Variants in MDN1 observed in about 807,000 individuals in gnomAD.
MDN1 encodes midasin AAA ATPase 1, also known as midasin.
In MDN1, 266 loss-of-function variants were observed where a neutral mutation model predicts 669.2. The observed-to-expected ratio is 0.40, with a 90% CI of 0.36 to 0.44. The LOEUF is 0.44. Among genes scored for constraint, MDN1 ranks in the 20% least tolerant of loss-of-function variants. The pLI is 1.00. For synonymous variants in MDN1, 2,385 were observed against 2,457.1 expected, an observed-to-expected ratio of 0.97 and a Z score of 0.87; for missense variants, 5,940 against 6,754.0, an observed-to-expected ratio of 0.88 and a Z score of 4.22.
intron 43 of MDN1, among the ~76,000 whole-genome samples, chr6:89,717,716 G>A (rs1480792005): frequency 1.3e-5 from 2 of 152,212 alleles, no homozygotes; most frequent in Non-Finnish European, 2.9e-5. Context: ...AAGTAAATGA[G>A]TGGCCCACCG....
In MDN1 at chr6:89,672,214, C is replaced by T; in HGVS notation, c.13780G>A (p.Ala4594Thr). 1 of 1,583,366 alleles carries T rather than the reference C, an allele frequency of 6.3e-7. No individual in the cohort carries two copies. The highest frequency in any genetic ancestry group is 8.5e-7 in the Non-Finnish European group (1 of 1,170,408). The stretch of plus-strand genomic sequence containing the variant: ...CAGTTAGTTACCAGGTGCTTTGCTG[C>T]TGTGCCATCCTCACCGTACGATTTC... ...RLKSYGEDGT[A>T]AKHLFFSQSC... The change falls in exon 82 of 102, where the codon GCA becomes ACA. Residue 4594 changes from alanine (A) to threonine (T), a missense_variant. Ala to Thr is a moderately conservative substitution (Grantham distance 58). Transcript: ENST00000369393.
chr6:89,733,117 A>C (rs772409487), intron 33 of MDN1, among the ~76,000 whole-genome samples: 3 of 152,240 alleles, frequency 2.0e-5, no homozygotes, highest in Non-Finnish European at 4.4e-5. Flanking sequence ...TTTAGAAAAT[A>C]TGCAAATTTT....
chr6:89,703,552 T>C (rs1813314854), intron 53 of MDN1, among the ~76,000 whole-genome samples: 1 of 152,204 alleles, frequency 6.6e-6, no homozygotes, highest in Non-Finnish European at 1.5e-5. Flanking sequence ...TGATTTCCTA[T>C]AGTGGTTCCA....
chr6:89,744,808 A>G (rs1816504874), intron 29 of MDN1, among the ~76,000 whole-genome samples: 1 of 150,142 alleles, frequency 6.7e-6, no homozygotes, highest in Admixed American at 6.6e-5. Context: ...ACTTGAGTCC[A>G]GAAAGTCAAG....
Position 89,674,266 on chromosome 6 carries a change from A to G in MDN1, c.13085T>C (p.Ile4362Thr). The change falls in exon 79 of 102, where the codon ATA becomes ACA. Residue 4362 changes from isoleucine (I) to threonine (T), a missense_variant. Physicochemically the swap from Ile to Thr is moderately conservative, Grantham distance 89 (BLOSUM62 -1). Transcript: ENST00000369393. ...IPSNLSYPSP[I>T]PGSQLPSGCR... ...ACCAGAGGGCAGCTGACTTCCAGGT[A>G]TTGGAGATGGGTAGCTCAGATTGGA... The G allele has an allele frequency of 6.2e-7, 1 of 1,614,200 alleles. No individual in the cohort carries two copies. Among genetic ancestry groups the G allele is most frequent in the Non-Finnish European group, 8.5e-7 (1 of 1,180,028 alleles).
chr6:89,803,895 CT>C (rs56246331), intron 1 of MDN1, among the ~76,000 whole-genome samples: 21 of 76,386 alleles, frequency 2.7e-4, no homozygotes, highest in Non-Finnish European at 4.9e-4. Context: ...CTTTTCTTTT[CT>C]TTTTTTTTTT....
intron 51 of MDN1, 127 bp downstream of exon 51, chr6:89,708,369 C>A (rs1813659310): frequency 8.4e-7 from 1 of 1,186,194 alleles, no homozygotes; most frequent in African/African-American, 1.5e-5. Flanking sequence ...CAATCATGTC[C>A]AACACCCCAC....
intron 95 of MDN1, 116 bp from the exon 96 acceptor site, chr6:89,650,963 C>G: frequency 1.4e-6 from 1 of 694,952 alleles, no homozygotes; most frequent in Non-Finnish European, 2.5e-6. Context: ...ACTTTCTCAA[C>G]AGAAGCACTT....
chr6:89,746,847 C>T (rs926817026), intron 27 of MDN1, among the ~76,000 whole-genome samples: 2 of 152,182 alleles, frequency 1.3e-5, no homozygotes, highest in African/African-American at 4.8e-5. Context: ...TTCCAAAACA[C>T]TGTGTATCCT....
At chr6:89,748,528 T>A (rs956592969) in intron 26 of MDN1, among the ~76,000 whole-genome samples, 8 of 152,170 alleles carry the variant, frequency 5.3e-5, no homozygotes, top group South Asian at 2.1e-4. Context: ...TGCAGTTGAC[T>A]AGGGGGAGCC....
chr6:89,730,399 C>T (rs927514593), intron 35 of MDN1, among the ~76,000 whole-genome samples: 4 of 152,280 alleles, frequency 2.6e-5, no homozygotes, highest in African/African-American at 9.6e-5. Context: ...TAGGTCTTTG[C>T]AAGCCACTTA....
chr6:89,785,125 G>T lies in MDN1; in HGVS notation c.1336C>A (p.Leu446Ile), dbSNP rs559695437. 1 of 1,607,264 alleles carries T rather than the reference G, an allele frequency of 6.2e-7. No individual in the cohort carries two copies. Among genetic ancestry groups the T allele is most frequent in the Non-Finnish European group, 8.5e-7 (1 of 1,175,008 alleles). ...TACCAATTTCCTCCACAGCTCAAGA[G>T]TCTACGTTTCAAAATAAAAAACACA... ...PGFQFFATRR[L>I]LSCGGNWYRP... Residue 446 changes from leucine to isoleucine, a missense_variant and splice_region_variant, in exon 9 of 102, where the codon CTC becomes ATC. By Grantham distance (5) the Leu-to-Ile change is conservative (BLOSUM62 2). Coordinates refer to ENST00000369393, the MANE Select transcript of MDN1 (RefSeq NM_014611.3).
At chr6:89,735,947 G>T (rs963527881) in intron 33 of MDN1, among the ~76,000 whole-genome samples, 1 of 152,152 alleles carries the variant, frequency 6.6e-6, no homozygotes, top group African/African-American at 2.4e-5. Flanking sequence ...TTGAACCCAG[G>T]AAGCAGAGGT....
In MDN1 at chr6:89,774,608, G is replaced by C. The variant is rs748509739; in HGVS notation, c.1934+13C>G. The C allele has an allele frequency of 1.3e-6, 2 of 1,596,266 alleles. No individual in the cohort carries two copies. Among genetic ancestry groups the C allele is most frequent in the Non-Finnish European group, 1.7e-6 (2 of 1,164,034 alleles). The stretch of plus-strand genomic sequence containing the variant: ...ACCCCACAGTTGGCAGCTTAGTTTA[G>C]AGCCCTACTTACCTCTGTAGGTGAA... On this transcript the variant is annotated intron_variant, in intron 13 of 101. Transcript: ENST00000369393.
chr6:89,752,391 A>G (rs901259744), intron 22 of MDN1, among the ~76,000 whole-genome samples: 3 of 152,226 alleles, frequency 2.0e-5, no homozygotes, highest in African/African-American at 7.2e-5. Context: ...ATGTTTTTAC[A>G]ATTTACCGAA....
rs1386980842 is a variant in MDN1 at position 89,754,178 on chromosome 6, C to T, written c.2869G>A (p.Gly957Ser). The change falls in exon 21 of 102, where the codon GGC becomes AGC. Residue 957 changes from glycine to serine, a missense_variant. Physicochemically the swap from Gly to Ser is moderately conservative, Grantham distance 56 (BLOSUM62 0). This residue lies in a region of MDN1 where 1,203 missense variants were observed against 1,268.9 expected (regional missense o/e 0.95). Transcript: ENST00000369393. Reference protein sequence around the residue: ...ESGTKLVDGTGHRPHYSLRTL... With the variant: ...ESGTKLVDGTSHRPHYSLRTL... ...CGAAGGCTGTAGTGAGGTCTATGGC[C>T]AGTGCCATCCACCAGTTTGGTCCCA... 2 of 1,614,114 alleles carry T rather than the reference C, an allele frequency of 1.2e-6. No homozygotes were observed. Among genetic ancestry groups the T allele is most frequent in the South Asian group, 2.2e-5 (2 of 91,074 alleles).
intron 11 of MDN1, among the ~76,000 whole-genome samples, chr6:89,777,429 T>A (rs774643797): frequency 5.9e-5 from 9 of 152,240 alleles, no homozygotes; most frequent in African/African-American, 2.2e-4. Flanking sequence ...AAGCTAACCA[T>A]AGTAGGAATT....
chr6:89,791,502 T>C (rs751334262), intron 5 of MDN1, among the ~76,000 whole-genome samples: 30 of 152,174 alleles, frequency 2.0e-4, no homozygotes, highest in Non-Finnish European at 3.2e-4. Context: ...TGCAGAAATA[T>C]AAATGAAATG....
intron 43 of MDN1, among the ~76,000 whole-genome samples, chr6:89,717,037 T>C (rs921929196): frequency 1.1e-4 from 16 of 152,322 alleles, no homozygotes; most frequent in South Asian, 4.1e-4. Context: ...GGGTTGACTC[T>C]AGGGTGATAG....
Sources: allele counts gnomAD v4.1 joint callset (sites outside exome capture counted in the v4.1 genomes callset), GRCh38; gene constraint gnomAD v4.1.1; regional missense constraint gnomAD v4.1.1; transcripts MANE v1.5; gene names NCBI Gene and HGNC (gene_info 2026-07-23, HGNC 2026-07-21).